The following DLG2 variants were observed in gnomAD, a reference collection of about 807,000 sequenced individuals.
DLG2 encodes the protein disks large homolog 2.
Under a neutral mutation model 132.5 loss-of-function variants are expected in DLG2, and 45 were observed. The ratio of observed to expected loss-of-function variants is 0.34; its 90% confidence interval spans 0.27 to 0.44. The LOEUF (loss-of-function observed/expected upper bound fraction) is 0.44, where lower values mean the gene tolerates loss of function less well. DLG2 is among the 20% of genes least tolerant of loss of function. The pLI is 1.00. For missense variants in DLG2, 1,045 were observed against 1,196.9 expected (o/e 0.87, Z 1.87); for synonymous variants, 424 against 419.6 (o/e 1.01, Z -0.13).
chr11:84,841,568 G>T (rs2154008199), intron 6 of DLG2, among the ~76,000 whole-genome samples: 1 of 151,954 alleles, frequency 6.6e-6, no homozygotes, highest in East Asian at 1.9e-4. Flanking sequence ...CTTGTAGCTA[G>T]AACAGTACCT....
intron 9 of DLG2, among the ~76,000 whole-genome samples, chr11:84,137,938 G>C (rs951655390): frequency 6.6e-6 from 1 of 152,142 alleles, no homozygotes; most frequent in African/African-American, 2.4e-5. Context: ...TTAGAAACCA[G>C]AGGCAAGAAT....
chr11:84,192,809 T>C (rs567067614), intron 8 of DLG2, among the ~76,000 whole-genome samples: 34 of 152,310 alleles, frequency 2.2e-4, no homozygotes, highest in African/African-American at 7.2e-4. Context: ...AATTAAACTA[T>C]ATTGACATCT....
At chr11:84,168,875 C>T (rs921984672) in intron 8 of DLG2, among the ~76,000 whole-genome samples, 11 of 151,582 alleles carry the variant, frequency 7.3e-5, no homozygotes, top group Admixed American at 3.3e-4. Flanking sequence ...ATTTGCATTC[C>T]TCTTTTTTAG....
chr11:84,314,997 A>C (rs990972351), intron 7 of DLG2, among the ~76,000 whole-genome samples: 7 of 152,174 alleles, frequency 4.6e-5, no homozygotes, highest in Non-Finnish European at 7.4e-5. Context: ...TCATAGCTCC[A>C]GTATTTGTGG....
intron 8 of DLG2, among the ~76,000 whole-genome samples, chr11:84,217,412 C>CT (rs2096850925): frequency 1.3e-5 from 2 of 152,156 alleles, no homozygotes; most frequent in Admixed American, 1.3e-4. Context: ...CATAAAGTCT[C>CT]TTCTCTTGTC....
chr11:84,443,221 T>G (rs2099022823), intron 7 of DLG2, among the ~76,000 whole-genome samples: 1 of 152,224 alleles, frequency 6.6e-6, no homozygotes, highest in African/African-American at 2.4e-5. Flanking sequence ...GTAAAGAACC[T>G]AATGTAACAT....
chr11:83,985,367 G>A (rs574555260), intron 11 of DLG2, among the ~76,000 whole-genome samples: 1 of 151,574 alleles, frequency 6.6e-6, no homozygotes. Flanking sequence ...TAACTTTTAA[G>A]TTCTGGGGTA....
At chr11:83,480,589 C>T in intron 22 of DLG2, 1 of 1,553,254 alleles carries the variant, frequency 6.4e-7, no homozygotes, top group South Asian at 1.2e-5. Context: ...ACTTTATCTC[C>T]ATTTTACAGG....
intron 6 of DLG2, among the ~76,000 whole-genome samples, chr11:85,059,603 A>C (rs981668173): frequency 6.6e-6 from 1 of 151,676 alleles, no homozygotes; most frequent in Non-Finnish European, 1.5e-5. Flanking sequence ...AGTTTCCAAA[A>C]GACAAACTGC....
rs138468349 is a variant in DLG2, at chr11:85,177,489, G to T, written c.187-22838C>A. 1.9e-3 allele frequency among the ~76,000 whole-genome samples: 292 copies of T among 152,096 alleles called. 1 individual carries two copies. The highest frequency in any genetic ancestry group is 6.8e-3 in the African/African-American group (283 of 41,518). On this transcript the variant is annotated intron_variant, in intron 4 of 27. Transcript: ENST00000376104. ...GAATGATGAGAACACATGGACACAT[G>T]CAGGGGAACAACACACACTGGGGCC...
At chr11:84,068,963 G>C (rs777307112) in intron 10 of DLG2, among the ~76,000 whole-genome samples, 1 of 152,116 alleles carries the variant, frequency 6.6e-6, no homozygotes, top group Admixed American at 6.5e-5. Context: ...AAATGATTTT[G>C]CGACTTACTT....
intron 7 of DLG2, among the ~76,000 whole-genome samples, chr11:84,450,880 C>CAA (rs529355037): frequency 2.5e-4 from 34 of 138,212 alleles, no homozygotes; most frequent in African/African-American, 8.1e-4. Flanking sequence ...ATAAGTGTTC[C>CAA]AAAAAAAAAA....
chr11:84,297,325 A>G (rs1227147013), intron 7 of DLG2, among the ~76,000 whole-genome samples: 1 of 152,156 alleles, frequency 6.6e-6, no homozygotes, highest in East Asian at 1.9e-4. Flanking sequence ...TGAACATTGG[A>G]GTTCAAACAT....
intron 6 of DLG2, among the ~76,000 whole-genome samples, chr11:84,852,006 TG>T (rs1397778299): frequency 6.6e-6 from 1 of 151,960 alleles, no homozygotes; most frequent in Admixed American, 6.6e-5. Flanking sequence ...GATTTAAGCT[TG>T]GGATACTTTT....
rs553751526 is a variant in DLG2, at chr11:84,629,516, G to A, written c.358-94785C>T. Among the ~76,000 whole-genome samples, 14 of 152,226 alleles carry A rather than the reference G, an allele frequency of 9.2e-5. No individual in the cohort carries two copies. The East Asian group carries it at 1.2e-3, about 13-fold the overall frequency. ...GCTGAAGAGTTCATTTGATCACACC[G>A]GCAGAAATGCCTAGGAAATGTTTCT... On this transcript the variant is annotated intron_variant, in intron 6 of 27. Coordinates refer to ENST00000376104, the MANE Select transcript of DLG2 (RefSeq NM_001142699.3).
chr11:83,874,276 G>GAAAGAA (rs1307508567), intron 16 of DLG2, 144 bp downstream of exon 16: 9 of 119,948 alleles, frequency 7.5e-5, no homozygotes, highest in Non-Finnish European at 1.0e-4. Context: ...AGGAAGGAAG[G>GAAAGAA]GGAGAAGGAA....
chr11:84,589,277 A>G (rs375887318), intron 6 of DLG2, among the ~76,000 whole-genome samples: 1 of 152,298 alleles, frequency 6.6e-6, no homozygotes, highest in East Asian at 1.9e-4. Context: ...CCTGTGGAGA[A>G]GTCAACACCT....
intron 4 of DLG2, among the ~76,000 whole-genome samples, chr11:85,249,306 C>T (rs759826098): frequency 2.6e-5 from 4 of 151,708 alleles, no homozygotes; most frequent in Admixed American, 6.6e-5. Flanking sequence ...CAGTTACCTA[C>T]GATAGCAGAT....
At chr11:84,622,816 T>G (rs1383568909) in intron 6 of DLG2, among the ~76,000 whole-genome samples, 1 of 152,148 alleles carries the variant, frequency 6.6e-6, no homozygotes, top group Non-Finnish European at 1.5e-5. Flanking sequence ...ATGGAAAGCT[T>G]TGAATGCCAT....
Sources: gnomAD v4.1 joint callset for allele counts (sites outside exome capture counted in the v4.1 genomes callset) on GRCh38, gnomAD v4.1.1 for gene constraint, MANE v1.5 for transcripts, NCBI Gene and HGNC (gene_info 2026-07-23, HGNC 2026-07-21) for gene names.